PIGT: variants seen among roughly 807,000 people sequenced by gnomAD.
PIGT encodes the protein phosphatidylinositol glycan anchor biosynthesis class T.
In PIGT, 57 loss-of-function variants were observed where a neutral mutation model predicts 66.7. The observed-to-expected ratio is 0.86, with a 90% CI of 0.69 to 1.07. PIGT has a LOEUF of 1.07. Among genes scored for constraint, PIGT ranks in the 50% least tolerant of loss-of-function variants. The pLI, the probability that PIGT is intolerant of heterozygous loss-of-function variation, is 0.00. For synonymous variants in PIGT, 362 were observed against 320.5 expected (o/e 1.13, Z -1.38); for missense variants, 725 against 740.4 (o/e 0.98, Z 0.24).
At chr20:45,419,619 C>T (rs1414959843) in intron 5 of PIGT, 29 bp downstream of exon 5, 2 of 1,475,944 alleles carry the variant, frequency 1.4e-6, no homozygotes, top group East Asian at 2.3e-5. Context: ...AGGAAGCTGC[C>T]ATCCAGGGGC....
chr20:45,418,989 C>T lies in PIGT; in HGVS notation c.493+10C>T, dbSNP rs775828733. On this transcript the variant is annotated intron_variant, in intron 3 of 11. Transcript: ENST00000279036. ...CTGGGTCTGGCCAATGGTGAGATAA[C>T]CCCTACAGCCCTTTCCTTCTTCCTC... 2.5e-6 allele frequency: 4 copies of T among 1,614,034 alleles called. No homozygotes were observed. In the South Asian group the frequency reaches 4.4e-5, roughly 18 times the overall value.
Position 45,421,433 on chromosome 20 carries a change from G to T in PIGT, c.1084G>T (p.Gly362Trp), listed in dbSNP as rs1472588476. The T allele has an allele frequency of 5.0e-6, 8 of 1,614,186 alleles. 1 individual carries two copies. In the South Asian group the frequency reaches 8.8e-5, roughly 18 times the overall value. The change falls in exon 9 of 12, where the codon GGG becomes TGG. Residue 362 changes from glycine (G) to tryptophan (W), a missense_variant. Around this residue, in one of 3 missense-constraint regions of PIGT, gnomAD observed 559 missense variants for 552.7 expected, o/e 1.01. Coordinates refer to ENST00000279036, the MANE Select transcript of PIGT (RefSeq NM_015937.6). ...TGCCCAGCGGTACGTGAGTGGCTAT[G>T]GGCTGCAGAAGGGGGAGCTGAGCAC... ...LHAQRYVSGY[G>W]LQKGELSTLL...
chr20:45,419,857 G>T, intron 5 of PIGT: 1 of 600,292 alleles, frequency 1.7e-6, no homozygotes. Flanking sequence ...GTAACCTTGG[G>T]TGAATCATTT....
chr20:45,426,229 G>A lies in PIGT; in HGVS notation c.*403G>A, dbSNP rs1232821416. 2.2e-5 allele frequency: 4 copies of A among 185,102 alleles called. No individual in the cohort carries two copies. Among genetic ancestry groups the A allele is most frequent in the Admixed American group, 1.1e-4 (2 of 18,808 alleles). 11.5% of individuals were successfully genotyped at this position (185,102 alleles called of 1,614,324 possible). ...AGTTTACTGTTTGTGGAATAAAAAC[G>A]GCTGTTTCCGTGGTTCTTTGCCTCT... On this transcript the variant is annotated 3_prime_UTR_variant, in exon 12 of 12. Transcript: ENST00000279036.
In PIGT at chr20:45,425,624, C is replaced by G. The variant is rs370779373; in HGVS notation, c.1535C>G (p.Pro512Arg). 6.2e-7 allele frequency: 1 copy of G among 1,613,872 alleles called. No individual in the cohort carries two copies. Among genetic ancestry groups the G allele is most frequent in the Non-Finnish European group, 8.5e-7 (1 of 1,179,974 alleles). The change falls in exon 12 of 12, where the codon CCG becomes CGG. Residue 512 changes from proline to arginine, a missense_variant. By Grantham distance (103) the Pro-to-Arg change is moderately radical (BLOSUM62 -2). Coordinates refer to ENST00000279036, the MANE Select transcript of PIGT (RefSeq NM_015937.6). ...TACTTTGTGCGGCTCTACACGGAGC[C>G]GCTGCTGGTGAACCTGCCGACACCG... ...SNYFVRLYTEPLLVNLPTPDF... is the reference protein window; with the variant it reads ...SNYFVRLYTERLLVNLPTPDF...
intron 2 of PIGT, 163 bp from the exon 3 acceptor site, chr20:45,418,689 G>A: frequency 1.3e-6 from 1 of 777,040 alleles, no homozygotes; most frequent in Non-Finnish European, 2.2e-6. Flanking sequence ...GACCCAGCAA[G>A]TGGGCTGGCT....
chr20:45,421,661 C>G, intron 9 of PIGT, 78 bp downstream of exon 9: 1 of 1,200,916 alleles, frequency 8.3e-7, no homozygotes, highest in East Asian at 2.5e-5. Flanking sequence ...TCTCATTTCC[C>G]AGGGTAGTTC....
chr20:45,423,263 A>C (rs937938081), intron 9 of PIGT: 2 of 151,418 alleles, frequency 1.3e-5, no homozygotes, highest in African/African-American at 4.9e-5. Context: ...ATGCGGTTTC[A>C]CTGTGTTAGC....
intron 2 of PIGT, 56 bp downstream of exon 2, chr20:45,416,750 G>C: frequency 6.7e-7 from 1 of 1,487,994 alleles, no homozygotes; most frequent in East Asian, 2.4e-5. Flanking sequence ...GGCTGGGAGA[G>C]TGTTGTCATC....
chr20:45,421,997 A>C (rs1178947802), intron 9 of PIGT: 2 of 154,370 alleles, frequency 1.3e-5, no homozygotes, highest in African/African-American at 4.8e-5. Flanking sequence ...GGGAGGGGTA[A>C]AGAGGTACAG....
At position 45,421,585 on chromosome 20, in the gene PIGT, T is replaced by C; in HGVS notation, c.1234+2T>C. 1 of 1,613,772 alleles carries C rather than the reference T, an allele frequency of 6.2e-7. No homozygotes were observed. The highest frequency in any genetic ancestry group is 8.5e-7 in the Non-Finnish European group (1 of 1,179,700). On this transcript the variant is annotated splice_donor_variant, in intron 9 of 11. Transcript: ENST00000279036. LOFTEE classifies it high-confidence loss of function. ...CCAAGGGCAAGGAGAACAAACCAAGTGAGGACCTGAGTCCTGAACCAGGCC... is the reference window on the plus strand; with the variant it reads ...CCAAGGGCAAGGAGAACAAACCAAGCGAGGACCTGAGTCCTGAACCAGGCC...
At chr20:45,424,693 A>T (rs1990601770) in intron 11 of PIGT, 114 bp downstream of exon 11, 7 of 734,426 alleles carry the variant, frequency 9.5e-6, no homozygotes, top group Non-Finnish European at 1.7e-5. Flanking sequence ...TTCCAAAGAG[A>T]TGTGTAGATT....
At chr20:45,425,084 C>G (rs1464830649) in intron 11 of PIGT, 1 of 159,246 alleles carries the variant, frequency 6.3e-6, no homozygotes, top group African/African-American at 2.4e-5. Context: ...GGGCCCCTTT[C>G]CTCCACCTCA....
chr20:45,425,469 A>G (rs1990685266), intron 11 of PIGT, 105 bp from the exon 12 acceptor site: 1 of 1,347,898 alleles, frequency 7.4e-7, no homozygotes. Context: ...GCCTAAGAGA[A>G]CATTGGAAAC....
rs1158964266 is a variant in PIGT, at chr20:45,420,137, A to AT, written c.684dup (p.Ala229CysfsTer5). On this transcript the variant is annotated frameshift_variant and splice_region_variant, in exon 6 of 12. Coordinates refer to ENST00000279036, the MANE Select transcript of PIGT (RefSeq NM_015937.6). LOFTEE classifies it high-confidence loss of function. Reference sequence around the variant, plus strand: ...GCTGCCATCTGGCCCTTGTGATAGAATGCACGCTGTACTAGCATCTCCTGG... The same window carrying AT: ...GCTGCCATCTGGCCCTTGTGATAGAATTGCACGCTGTACTAGCATCTCCTGG... The AT allele has an allele frequency of 3.7e-6, 6 of 1,609,806 alleles. No homozygotes were observed. Among genetic ancestry groups the AT allele is most frequent in the African/African-American group, 1.3e-5 (1 of 74,848 alleles).
In PIGT at chr20:45,419,594, A is replaced by G; in HGVS notation, c.681+4A>G. 6.3e-7 allele frequency: 1 copy of G among 1,598,410 alleles called. No individual in the cohort carries two copies. ...GCATATCCGCCCTGTTTGCAGAGTA[A>G]GTCATGGGGAGTAGAGGAAGCTGCC... On this transcript the variant is annotated splice_donor_region_variant and intron_variant, in intron 5 of 11. Transcript: ENST00000279036.
chr20:45,421,654 C>A, intron 9 of PIGT, 71 bp downstream of exon 9: 2 of 1,284,540 alleles, frequency 1.6e-6, no homozygotes, highest in South Asian at 1.2e-5. Context: ...CCCAAACTCT[C>A]ATTTCCCAGG....
Position 45,420,572 on chromosome 20 carries a change from T to A in PIGT, c.912T>A (p.Tyr304Ter). Residue 304 changes from tyrosine to a stop codon, truncating the protein, a stop_gained, in exon 8 of 12, where the codon TAT becomes TAA. Transcript: ENST00000279036. LOFTEE classifies it high-confidence loss of function. ...TGCACCCACCCCCGACCACTACATA[T>A]CAGGACGTCATCCTAGGCACTCGGA... is the stretch of plus-strand genomic sequence containing the variant. ...LEVHPPPTTTYQDVILGTRKT... is the reference protein window; with the variant it reads ...LEVHPPPTTT The A allele has an allele frequency of 6.2e-7, 1 of 1,613,394 alleles. No homozygotes were observed. Among genetic ancestry groups the A allele is most frequent in the Non-Finnish European group, 8.5e-7 (1 of 1,179,900 alleles).
In PIGT at chr20:45,418,932, A is replaced by G. The variant is rs1990161334; in HGVS notation, c.446A>G (p.Asn149Ser). ...CASLNFIDSTNTVTPTASFKP... is the reference protein window; with the variant it reads ...CASLNFIDSTSTVTPTASFKP... ...TCTCTCAACTTCATCGACTCCACCA[A>G]CACAGTCACTCCCACTGCCTCCTTC... Residue 149 changes from asparagine (N) to serine (S), a missense_variant, in exon 3 of 12, where the codon AAC (asparagine) becomes AGC (serine). Asn to Ser is a conservative substitution (Grantham distance 46). This residue lies in a region of PIGT where 559 missense variants were observed against 552.7 expected (regional missense o/e 1.01). Transcript: ENST00000279036. The G allele has an allele frequency of 6.2e-7, 1 of 1,614,004 alleles. No homozygotes were observed. The highest frequency in any genetic ancestry group is 1.3e-5 in the African/African-American group (1 of 74,916).
Sources: gnomAD v4.1 joint callset for allele counts on GRCh38, gnomAD v4.1.1 for gene constraint, gnomAD v4.1.1 regional missense constraint, MANE v1.5 for transcripts, NCBI Gene and HGNC (gene_info 2026-07-23, HGNC 2026-07-21) for gene names.